The following CREB5 variants were observed in gnomAD, a reference collection of about 807,000 sequenced individuals.
CREB5 encodes cyclic AMP-responsive element-binding protein 5.
CREB5 carries 19 observed loss-of-function variants against 57.1 expected under a neutral mutation model. The observed-to-expected ratio is 0.33, with a 90% CI of 0.23 to 0.49. CREB5 has a LOEUF of 0.49. Ranked by LOEUF, CREB5 falls within the 20% of genes least tolerant of loss-of-function variation. The pLI is 0.99. For synonymous variants in CREB5, 238 were observed against 238.3 expected (o/e 1.00, Z 0.01); for missense variants, 579 against 671.6 (o/e 0.86, Z 1.52).
At chr7:28,517,429 G>A (rs958043692) in intron 4 of CREB5, among the ~76,000 whole-genome samples, 30 of 152,286 alleles carry the variant, frequency 2.0e-4, no homozygotes, top group African/African-American at 6.0e-4. Flanking sequence ...TTTCCAGCAC[G>A]TTGGCTGTCA....
chr7:28,782,629 T>C (rs1807053709), intron 7 of CREB5, among the ~76,000 whole-genome samples: 2 of 152,200 alleles, frequency 1.3e-5, no homozygotes, highest in Admixed American at 6.5e-5. Flanking sequence ...CACTTGATTG[T>C]ATTCAACTCA....
chr7:28,655,331 G>A (rs1047483223), intron 5 of CREB5, among the ~76,000 whole-genome samples: 7 of 152,208 alleles, frequency 4.6e-5, no homozygotes, highest in African/African-American at 1.7e-4. Flanking sequence ...ATAAGGCTGG[G>A]CATGGTGGCT....
chr7:28,309,414 G>A (rs993989194), intron 1 of CREB5, among the ~76,000 whole-genome samples: 1 of 152,182 alleles, frequency 6.6e-6, no homozygotes, highest in African/African-American at 2.4e-5. Context: ...ACCATGGCCA[G>A]TGGATTTGCC....
At chr7:28,604,440 A>G (rs1311235372) in intron 5 of CREB5, among the ~76,000 whole-genome samples, 2 of 152,132 alleles carry the variant, frequency 1.3e-5, no homozygotes, top group Non-Finnish European at 2.9e-5. Context: ...GCTTGGTGCA[A>G]ACATTTCATT....
chr7:28,405,028 A>G (rs1317197858), intron 1 of CREB5, among the ~76,000 whole-genome samples: 1 of 152,248 alleles, frequency 6.6e-6, no homozygotes, highest in South Asian at 2.1e-4. Flanking sequence ...AAATGCACAT[A>G]AATCCCTTAG....
intron 1 of CREB5, among the ~76,000 whole-genome samples, chr7:28,315,310 A>C (rs1785356301): frequency 6.6e-6 from 1 of 152,222 alleles, no homozygotes; most frequent in Non-Finnish European, 1.5e-5. Context: ...CAGACTTCTG[A>C]CCAGCCAGGG....
chr7:28,414,900 C>T (rs1343806553), intron 1 of CREB5, among the ~76,000 whole-genome samples: 1 of 151,866 alleles, frequency 6.6e-6, no homozygotes, highest in African/African-American at 2.4e-5. Flanking sequence ...GGGACTGTCA[C>T]AGTAAAAGAT....
intron 1 of CREB5, among the ~76,000 whole-genome samples, chr7:28,306,683 C>T (rs1296605602): frequency 1.3e-5 from 2 of 150,650 alleles, no homozygotes; most frequent in African/African-American, 2.4e-5. Context: ...GCCTCAGCCT[C>T]CCGAGTAGCT....
intron 1 of CREB5, among the ~76,000 whole-genome samples, chr7:28,431,237 G>A (rs972334079): frequency 4.6e-5 from 7 of 152,210 alleles, no homozygotes; most frequent in African/African-American, 1.7e-4. Flanking sequence ...CCTATGGCAA[G>A]AAGAAGATGT....
intron 5 of CREB5, among the ~76,000 whole-genome samples, chr7:28,613,987 C>T (rs528156470): frequency 1.3e-5 from 2 of 152,262 alleles, no homozygotes; most frequent in East Asian, 3.9e-4. Flanking sequence ...GACATAGGGT[C>T]TCACTCTGTC....
chr7:28,651,095 T>A (rs1216089528), intron 5 of CREB5, among the ~76,000 whole-genome samples: 1 of 152,190 alleles, frequency 6.6e-6, no homozygotes, highest in Non-Finnish European at 1.5e-5. Flanking sequence ...TTACTATTTT[T>A]TTTTTCAATT....
chr7:28,787,049 G>A (rs1807370730), intron 7 of CREB5, among the ~76,000 whole-genome samples: 1 of 152,164 alleles, frequency 6.6e-6, no homozygotes, highest in African/African-American at 2.4e-5. Context: ...GCGACGGCCT[G>A]GATAACACTC....
chr7:28,503,314 C>A (rs1792342821), intron 3 of CREB5, among the ~76,000 whole-genome samples: 1 of 152,148 alleles, frequency 6.6e-6, no homozygotes, highest in Non-Finnish European at 1.5e-5. Context: ...ACTTTCGGTT[C>A]TTTTGAAATA....
chr7:28,490,194 C>G (rs190655909), intron 2 of CREB5, among the ~76,000 whole-genome samples: 21 of 152,334 alleles, frequency 1.4e-4, no homozygotes, highest in Admixed American at 1.2e-3. Flanking sequence ...CATATGTGTC[C>G]GTGTCCTCAC....
At chr7:28,708,289 A>G (rs537174605) in intron 5 of CREB5, among the ~76,000 whole-genome samples, 2 of 152,338 alleles carry the variant, frequency 1.3e-5, no homozygotes, top group African/African-American at 4.8e-5. Flanking sequence ...TGCATAGTCC[A>G]TGCATGTAGT....
chr7:28,421,041 T>C (rs1414890524), intron 1 of CREB5, among the ~76,000 whole-genome samples: 3 of 152,136 alleles, frequency 2.0e-5, no homozygotes, highest in Non-Finnish European at 2.9e-5. Context: ...TTTGGTTACA[T>C]AGATGAATTA....
At chr7:28,640,037 G>A (rs1798587612) in intron 5 of CREB5, among the ~76,000 whole-genome samples, 1 of 152,170 alleles carries the variant, frequency 6.6e-6, no homozygotes, top group African/African-American at 2.4e-5. Flanking sequence ...CAGACTATAG[G>A]ATGTGCAGGA....
chr7:28,337,378 G>A (rs1182896488), intron 1 of CREB5, among the ~76,000 whole-genome samples: 1 of 152,006 alleles, frequency 6.6e-6, no homozygotes, highest in East Asian at 1.9e-4. Flanking sequence ...AGGTGCTCCA[G>A]TATTGGATGC....
chr7:28,707,375 C>T (rs189644995), intron 5 of CREB5, among the ~76,000 whole-genome samples: 148 of 152,266 alleles, frequency 9.7e-4, no homozygotes, highest in Non-Finnish European at 1.5e-3. Flanking sequence ...ATTACAGCCA[C>T]GTAGTTTTTG....
Sources: gnomAD v4.1 joint callset for allele counts (sites outside exome capture counted in the v4.1 genomes callset) on GRCh38, gnomAD v4.1.1 for gene constraint, MANE v1.5 for transcripts, NCBI Gene and HGNC (gene_info 2026-07-23, HGNC 2026-07-21) for gene names.